Variants in CR1L observed in about 807,000 individuals in gnomAD.
The protein encoded by CR1L is complement C3b/C4b receptor 1 like.
Under a neutral mutation model 62.3 loss-of-function variants are expected in CR1L, and 59 were observed. The ratio of observed to expected loss-of-function variants is 0.95; its 90% CI spans 0.77 to 1.18. The LOEUF (loss-of-function observed/expected upper bound fraction) is 1.18, where lower values mean the gene tolerates loss of function less well. Ranked by LOEUF, CR1L falls within the 50% of genes most tolerant of loss-of-function variation. The probability of loss-of-function intolerance (pLI) is 0.00; values close to 1 mark genes in which losing one functional copy is unlikely to be tolerated. For missense variants in CR1L, 700 were observed against 702.8 expected (o/e 1.00, Z 0.04); for synonymous variants, 279 against 248.7 (o/e 1.12, Z -1.15).
chr1:207,706,478 TA>T (rs767414228), intron 9 of CR1L, among the ~76,000 whole-genome samples: 1 of 151,846 alleles, frequency 6.6e-6, no homozygotes, highest in Admixed American at 6.6e-5. Context: ...AATTATGTAT[TA>T]AAAAAATTCC....
At chr1:207,661,867 C>G (rs1016429887) in intron 1 of CR1L, among the ~76,000 whole-genome samples, 16 of 152,132 alleles carry the variant, frequency 1.1e-4, no homozygotes, top group Admixed American at 2.0e-4. Context: ...TCAGCATTTG[C>G]TTGTCTGTAA....
chr1:207,690,749 G>T (rs1194730779), intron 4 of CR1L, among the ~76,000 whole-genome samples: 1 of 152,198 alleles, frequency 6.6e-6, no homozygotes, highest in Non-Finnish European at 1.5e-5. Flanking sequence ...GCTGTTCTGT[G>T]CCTCTCTTCA....
intron 9 of CR1L, among the ~76,000 whole-genome samples, chr1:207,703,342 C>T (rs990929742): frequency 4.6e-5 from 7 of 152,310 alleles, no homozygotes; most frequent in African/African-American, 1.4e-4. Context: ...CCAATGCTCA[C>T]TGACCATTCT....
At chr1:207,694,038 T>C (rs935035086) in intron 4 of CR1L, among the ~76,000 whole-genome samples, 3 of 152,156 alleles carry the variant, frequency 2.0e-5, no homozygotes, top group Non-Finnish European at 4.4e-5. Flanking sequence ...TTAACAAAAA[T>C]GCAAATTAAG....
At chr1:207,657,613 C>G (rs1426458799) in intron 1 of CR1L, among the ~76,000 whole-genome samples, 1 of 152,106 alleles carries the variant, frequency 6.6e-6, no homozygotes, top group Non-Finnish European at 1.5e-5. Context: ...TCAACAAACA[C>G]TGGCTTAAAA....
chr1:207,723,515 AG>A, intron 11 of CR1L, 102 bp from the exon 12 acceptor site: 1 of 940,480 alleles, frequency 1.1e-6, no homozygotes, highest in South Asian at 1.7e-5. Context: ...TATTAGTCTG[AG>A]TCCTGAATAA....
intron 9 of CR1L, among the ~76,000 whole-genome samples, chr1:207,703,784 G>A (rs141569262): frequency 3.3e-5 from 5 of 152,216 alleles, no homozygotes; most frequent in South Asian, 2.1e-4. Context: ...GTGAAACCCC[G>A]TCTCTATTAA....
At chr1:207,711,511 G>C (rs1424393069) in intron 10 of CR1L, 1 of 152,772 alleles carries the variant, frequency 6.5e-6, no homozygotes, top group Non-Finnish European at 1.5e-5. Context: ...TCAGCACTGT[G>C]ACAGTTTACA....
chr1:207,664,590 A>G (rs1247288458), intron 1 of CR1L, among the ~76,000 whole-genome samples: 1 of 152,156 alleles, frequency 6.6e-6, no homozygotes, highest in Non-Finnish European at 1.5e-5. Flanking sequence ...ACATGCTCCT[A>G]GTGGGTATAT....
rs1276171642 is a variant in CR1L, at chr1:207,645,263, C to T, written c.30C>T (p.Pro10=). 6.2e-7 allele frequency: 1 copy of T among 1,613,764 alleles called. No individual in the cohort carries two copies. The highest frequency in any genetic ancestry group is 1.3e-5 in the African/African-American group (1 of 75,072). ...CGCCTCCCGTCCGTCTCGAGCGTCC[C>T]TTTCCTTCCCGGCGCTTTCCTGGGT... MAPPVRLER[P]FPSRRFPGLL... is the part of the protein sequence containing the mutation. The change falls in exon 1 of 12, where the codon CCC becomes CCT. Residue 10 remains proline (P), a synonymous_variant. Transcript: ENST00000508064.
In CR1L at chr1:207,660,560, A is replaced by G. The variant is rs936735501; in HGVS notation, c.97+15230A>G. Among the ~76,000 whole-genome samples, 4 of 152,170 alleles carry G rather than the reference A, an allele frequency of 2.6e-5. No homozygotes were observed. The East Asian group carries it at 5.8e-4, about 22-fold the overall frequency. ...TTTCTTCTTTATTAGTCTTGCTAGC[A>G]GTCTATCAATTTTGTTGATCTTTTC... On this transcript the variant is annotated intron_variant, in intron 1 of 11. Coordinates refer to ENST00000508064, the MANE Select transcript of CR1L (RefSeq NM_175710.2).
At chr1:207,673,287 A>C (rs1458043051) in intron 1 of CR1L, among the ~76,000 whole-genome samples, 1 of 151,382 alleles carries the variant, frequency 6.6e-6, no homozygotes. Flanking sequence ...TCTGTTTTAC[A>C]TTTCAAAAAT....
intron 9 of CR1L, among the ~76,000 whole-genome samples, chr1:207,706,069 T>G (rs1207902375): frequency 1.4e-5 from 2 of 144,976 alleles, no homozygotes; most frequent in Non-Finnish European, 3.0e-5. Flanking sequence ...TGCAGAAAAT[T>G]AAAGCAAAGA....
chr1:207,707,494 G>T lies in CR1L; in HGVS notation c.1329-684G>T, dbSNP rs1664284830. ...AATACAAAAATTAGCTGGGCATGTT[G>T]GTGCATGCCTGTAATCCCAGCCACT... is the stretch of plus-strand genomic sequence containing the variant. On this transcript the variant is annotated intron_variant, in intron 9 of 11. Transcript: ENST00000508064. Among the ~76,000 whole-genome samples the T allele has an allele frequency of 2.6e-5, 4 of 152,060 alleles. No homozygotes were observed. In the South Asian group the frequency reaches 8.3e-4, roughly 32 times the overall value.
intron 1 of CR1L, among the ~76,000 whole-genome samples, chr1:207,665,309 A>G (rs1188156925): frequency 6.6e-6 from 1 of 152,102 alleles, no homozygotes; most frequent in Non-Finnish European, 1.5e-5. Flanking sequence ...CTGCCTTGGT[A>G]TCCCAAAGTG....
chr1:207,699,306 C>G (rs546081271), intron 8 of CR1L, 32 bp downstream of exon 8: 2 of 1,612,040 alleles, frequency 1.2e-6, no homozygotes, highest in East Asian at 4.5e-5. Context: ...TCAGGCCAAT[C>G]TCTCCCCTTC....
At chr1:207,707,707 C>A (rs1571532641) in intron 9 of CR1L, among the ~76,000 whole-genome samples, 2 of 151,144 alleles carry the variant, frequency 1.3e-5, no homozygotes, top group East Asian at 2.0e-4. Flanking sequence ...TGTCAAAAAA[C>A]CAAGTCTACT....
rs1284097429 is a variant in CR1L at position 207,710,654 on chromosome 1, A to C, written c.1414+2391A>C. 24 of 1,610,046 alleles carry C rather than the reference A, an allele frequency of 1.5e-5. No homozygotes were observed. In the Admixed American group the frequency reaches 4.0e-4, roughly 27 times the overall value. On this transcript the variant is annotated intron_variant, in intron 10 of 11. Coordinates refer to ENST00000508064, the MANE Select transcript of CR1L (RefSeq NM_175710.2). ...TGGAATATTGGTGTCTGACAACAGA[A>C]GCTTATTTTCCTTAAATGAAGTTGT... is the stretch of plus-strand genomic sequence containing the variant.
At chr1:207,695,265 A>G (rs11578426) in intron 5 of CR1L, among the ~76,000 whole-genome samples, 5,841 of 152,130 alleles carry the variant, frequency 0.038, 180 homozygotes, top group South Asian at 0.12. Context: ...AGCTGGGACT[A>G]CAGGTGCATG....
Sources: allele counts gnomAD v4.1 joint callset (sites outside exome capture counted in the v4.1 genomes callset), GRCh38; gene constraint gnomAD v4.1.1; transcripts MANE v1.5; gene names NCBI Gene and HGNC (gene_info 2026-07-23, HGNC 2026-07-21).